The following UBE2E2 variants were observed in gnomAD, a reference collection of about 807,000 sequenced individuals.
UBE2E2 encodes the protein ubiquitin-conjugating enzyme E2 E2.
Under a neutral mutation model 24.7 loss-of-function variants are expected in UBE2E2, and 6 were observed. The ratio of observed to expected loss-of-function variants is 0.24; its 90% CI spans 0.13 to 0.48. UBE2E2 has a LOEUF of 0.48. Among genes scored for constraint, UBE2E2 ranks in the 20% least tolerant of loss-of-function variants. The pLI is 0.99. For synonymous variants in UBE2E2, 104 were observed against 83.6 expected (o/e 1.24, Z -1.33); for missense variants, 169 against 245.0 (o/e 0.69, Z 2.07).
chr3:23,523,239 A>T (rs1042096060), intron 4 of UBE2E2, among the ~76,000 whole-genome samples: 1 of 152,214 alleles, frequency 6.6e-6, no homozygotes, highest in East Asian at 1.9e-4. Context: ...GCGCTGTAGG[A>T]GTTGAGAGTA....
chr3:23,343,445 A>C (rs951974457), intron 3 of UBE2E2, among the ~76,000 whole-genome samples: 1 of 151,908 alleles, frequency 6.6e-6, no homozygotes, highest in Non-Finnish European at 1.5e-5. Context: ...GTGTCGTGGC[A>C]CTCACCTGTA....
chr3:23,203,519 T>G (rs752815749), intron 1 of UBE2E2, 55 bp downstream of exon 1: 1 of 947,102 alleles, frequency 1.1e-6, no homozygotes, highest in African/African-American at 2.0e-5. Flanking sequence ...TCCCTCTCGC[T>G]GACGTCCTCC....
chr3:23,367,065 C>T (rs1184380402), intron 3 of UBE2E2, among the ~76,000 whole-genome samples: 1 of 152,108 alleles, frequency 6.6e-6, no homozygotes, highest in Non-Finnish European at 1.5e-5. Flanking sequence ...TGTCATTATC[C>T]TTTTTGATTT....
At chr3:23,420,620 T>A (rs1436145693) in intron 3 of UBE2E2, among the ~76,000 whole-genome samples, 2 of 152,220 alleles carry the variant, frequency 1.3e-5, no homozygotes, top group Non-Finnish European at 2.9e-5. Flanking sequence ...TAGTTGTAAC[T>A]TCTAAGACAA....
At chr3:23,224,076 G>A (rs188959280) in intron 3 of UBE2E2, among the ~76,000 whole-genome samples, 15 of 149,626 alleles carry the variant, frequency 1.0e-4, no homozygotes, top group African/African-American at 1.2e-4. Context: ...AAGTCAGGTA[G>A]TGTGATGCCT....
chr3:23,496,317 A>G (rs914976901), intron 3 of UBE2E2, among the ~76,000 whole-genome samples: 36 of 152,184 alleles, frequency 2.4e-4, no homozygotes, highest in African/African-American at 8.4e-4. Flanking sequence ...ACCTAGTAAT[A>G]AAACAGAAAG....
At chr3:23,580,837 C>G (rs561148090) in intron 5 of UBE2E2, among the ~76,000 whole-genome samples, 295 of 152,274 alleles carry the variant, frequency 1.9e-3, no homozygotes, top group Non-Finnish European at 3.5e-3. Context: ...CATAAAAGAG[C>G]AGGGCTTATT....
intron 3 of UBE2E2, among the ~76,000 whole-genome samples, chr3:23,236,126 A>C (rs1697101254): frequency 6.6e-6 from 1 of 152,150 alleles, no homozygotes; most frequent in Non-Finnish European, 1.5e-5. Context: ...GGTAGGAGGA[A>C]AACCAGGAGA....
At chr3:23,386,690 T>G (rs935507072) in intron 3 of UBE2E2, among the ~76,000 whole-genome samples, 4 of 152,230 alleles carry the variant, frequency 2.6e-5, no homozygotes, top group African/African-American at 9.6e-5. Flanking sequence ...ATCGTCACAT[T>G]ATTGTTTGAC....
intron 3 of UBE2E2, among the ~76,000 whole-genome samples, chr3:23,351,906 C>A (rs891940504): frequency 3.9e-5 from 6 of 152,286 alleles, no homozygotes. Flanking sequence ...ACAGAGCTCT[C>A]CACCCCAAAT....
chr3:23,568,720 C>CATATATATGTATACATAT (rs1314803134), intron 5 of UBE2E2, among the ~76,000 whole-genome samples: 6 of 133,168 alleles, frequency 4.5e-5, no homozygotes, highest in African/African-American at 1.8e-4. Context: ...TGTATATACA[C>CATATATATGTATACATAT]ATATATATGT....
intron 3 of UBE2E2, among the ~76,000 whole-genome samples, chr3:23,463,327 A>G (rs1202166818): frequency 1.3e-5 from 2 of 152,118 alleles, no homozygotes; most frequent in Non-Finnish European, 2.9e-5. Context: ...TTAATTTGCA[A>G]AATTCCAGGC....
intron 3 of UBE2E2, among the ~76,000 whole-genome samples, chr3:23,390,975 A>G (rs912984356): frequency 6.6e-6 from 1 of 152,268 alleles, no homozygotes; most frequent in Admixed American, 6.5e-5. Flanking sequence ...ATCTGTATAT[A>G]TAATAATGGT....
chr3:23,322,687 C>CT (rs1694776979), intron 3 of UBE2E2, among the ~76,000 whole-genome samples: 1 of 151,994 alleles, frequency 6.6e-6, no homozygotes, highest in South Asian at 2.1e-4. Context: ...ACTTCGTAAG[C>CT]TTTACAGTCT....
chr3:23,458,052 GCTAA>G (rs749581810), intron 3 of UBE2E2, among the ~76,000 whole-genome samples: 1 of 152,034 alleles, frequency 6.6e-6, no homozygotes, highest in African/African-American at 2.4e-5. Context: ...TCACAACTTG[GCTAA>G]CTGTTTTGCA....
intron 3 of UBE2E2, among the ~76,000 whole-genome samples, chr3:23,375,586 C>T (rs958671533): frequency 6.6e-6 from 1 of 152,098 alleles, no homozygotes; most frequent in African/African-American, 2.4e-5. Context: ...TTTGTTTCTG[C>T]TAGGCATACT....
intron 3 of UBE2E2, among the ~76,000 whole-genome samples, chr3:23,307,318 A>G (rs1209035088): frequency 3.9e-5 from 6 of 152,196 alleles, no homozygotes; most frequent in African/African-American, 1.2e-4. Flanking sequence ...TTTCAGGTCT[A>G]GTAATCTTTG....
chr3:23,294,163 C>T (rs1698843692), intron 3 of UBE2E2, among the ~76,000 whole-genome samples: 1 of 152,176 alleles, frequency 6.6e-6, no homozygotes, highest in Non-Finnish European at 1.5e-5. Flanking sequence ...CTGAGTGAAG[C>T]ATTTTCAGCT....
At chr3:23,263,878 A>G (rs577086662) in intron 3 of UBE2E2, among the ~76,000 whole-genome samples, 3 of 152,294 alleles carry the variant, frequency 2.0e-5, no homozygotes, top group South Asian at 4.1e-4. Context: ...GGTCAGTTGT[A>G]TCTTAGAATA....
Sources: allele counts gnomAD v4.1 joint callset (sites outside exome capture counted in the v4.1 genomes callset), GRCh38; gene constraint gnomAD v4.1.1; transcripts MANE v1.5; gene names NCBI Gene and HGNC (gene_info 2026-07-23, HGNC 2026-07-21).